Variants in SUGCT observed in about 807,000 individuals in gnomAD.
SUGCT encodes the protein succinyl-CoA:glutarate CoA-transferase.
Under a neutral mutation model 55.0 loss-of-function variants are expected in SUGCT, and 41 were observed. The observed-to-expected ratio is 0.74, with a 90% CI of 0.58 to 0.97. The LOEUF is 0.97. Ranked by LOEUF, SUGCT falls within the 50% of genes least tolerant of loss-of-function variation. SUGCT has a pLI of 0.00. For missense variants in SUGCT, 568 were observed against 547.8 expected, an observed-to-expected ratio of 1.04 and a Z score of -0.37; for synonymous variants, 187 against 200.4, an observed-to-expected ratio of 0.93 and a Z score of 0.56.
intron 9 of SUGCT, among the ~76,000 whole-genome samples, chr7:40,447,677 A>G (rs1217537234): frequency 1.3e-5 from 2 of 152,156 alleles, no homozygotes; most frequent in Non-Finnish European, 2.9e-5. Flanking sequence ...AACTGAGCCT[A>G]TATGTAGGCA....
At chr7:40,613,478 A>T (rs1172414571) in intron 12 of SUGCT, among the ~76,000 whole-genome samples, 2 of 152,240 alleles carry the variant, frequency 1.3e-5, no homozygotes, top group Non-Finnish European at 2.9e-5. Context: ...GATAAAGAGC[A>T]TAGGCAGTGG....
At chr7:40,195,165 T>C in intron 6 of SUGCT, 105 bp downstream of exon 6, 1 of 1,303,580 alleles carries the variant, frequency 7.7e-7, no homozygotes, top group Non-Finnish European at 1.0e-6. Context: ...TTGGAAGTTA[T>C]TCTGTTTTCC....
chr7:40,379,778 G>A (rs1351123089), intron 9 of SUGCT, among the ~76,000 whole-genome samples: 1 of 152,178 alleles, frequency 6.6e-6, no homozygotes, highest in African/African-American at 2.4e-5. Flanking sequence ...AGGTTAGTAA[G>A]AAGTGAAATT....
intron 6 of SUGCT, among the ~76,000 whole-genome samples, chr7:40,217,199 C>G (rs1203613643): frequency 6.6e-6 from 1 of 151,992 alleles, no homozygotes; most frequent in Non-Finnish European, 1.5e-5. Context: ...TGAATTGATT[C>G]CAGAATTATT....
intron 12 of SUGCT, among the ~76,000 whole-genome samples, chr7:40,546,092 A>G (rs1794974250): frequency 6.6e-6 from 1 of 152,198 alleles, no homozygotes; most frequent in Non-Finnish European, 1.5e-5. Flanking sequence ...TATTTGGAAT[A>G]AATTTAACAA....
intron 12 of SUGCT, among the ~76,000 whole-genome samples, chr7:40,630,517 A>G (rs1006892282): frequency 6.6e-6 from 1 of 152,224 alleles, no homozygotes; most frequent in African/African-American, 2.4e-5. Flanking sequence ...TTTGGTTAAA[A>G]AAAAGATTTT....
chr7:40,854,419 C>CTTTCCTTCCTTT (rs200586474), intron 13 of SUGCT, among the ~76,000 whole-genome samples: 1 of 88,804 alleles, frequency 1.1e-5, no homozygotes, highest in African/African-American at 4.7e-5. Context: ...TTCTTTCTTT[C>CTTTCCTTCCTTT]CTTTCTTTCT....
the SUGCT span, among the ~76,000 whole-genome samples, chr7:40,999,214 A>G: frequency 6.6e-6 from 1 of 150,398 alleles, no homozygotes; most frequent in Non-Finnish European, 1.5e-5. Context: ...TCCATTATGC[A>G]CAGCTTTTTT....
chr7:40,599,628 A>C (rs531474861), intron 12 of SUGCT, among the ~76,000 whole-genome samples: 1 of 152,142 alleles, frequency 6.6e-6, no homozygotes, highest in Non-Finnish European at 1.5e-5. Flanking sequence ...GTAGAAACAA[A>C]CTTAAAACCC....
At chr7:40,284,328 A>T (rs535471180) in intron 8 of SUGCT, among the ~76,000 whole-genome samples, 88 of 151,870 alleles carry the variant, frequency 5.8e-4, no homozygotes, top group African/African-American at 2.1e-3. Flanking sequence ...GTGATGAAGG[A>T]CAGGCATGGT....
the SUGCT span, among the ~76,000 whole-genome samples, chr7:40,951,040 G>A: frequency 6.6e-6 from 1 of 152,240 alleles, no homozygotes; most frequent in Non-Finnish European, 1.5e-5. Flanking sequence ...AATGGTACCA[G>A]CTCCTCCTTG....
rs377582169 is a variant in SUGCT at position 40,782,169 on chromosome 7, A to C, written c.1153+32672A>C. Among the ~76,000 whole-genome samples, 13 of 152,150 alleles carry C rather than the reference A, an allele frequency of 8.5e-5. No individual in the cohort carries two copies. The East Asian group carries it at 2.3e-3, about 27-fold the overall frequency. ...TAGAAGTACAGTGTTAATTAATAGAATATTTTTTTCTAGAAAGTTAAAATT... is the reference window on the plus strand; with the variant it reads ...TAGAAGTACAGTGTTAATTAATAGACTATTTTTTTCTAGAAAGTTAAAATT... On this transcript the variant is annotated intron_variant, in intron 13 of 13. Coordinates refer to ENST00000335693, the MANE Select transcript of SUGCT (RefSeq NM_001193313.2).
intron 12 of SUGCT, among the ~76,000 whole-genome samples, chr7:40,655,722 T>C (rs1800987135): frequency 6.6e-6 from 1 of 152,190 alleles, no homozygotes; most frequent in African/African-American, 2.4e-5. Flanking sequence ...AAATCAAAAA[T>C]GTTCAGTTTA....
the SUGCT span, among the ~76,000 whole-genome samples, chr7:40,963,270 C>G: frequency 6.6e-6 from 1 of 151,960 alleles, no homozygotes; most frequent in Admixed American, 6.6e-5. Context: ...AGACTATCAT[C>G]AGGCTCTTTG....
intron 13 of SUGCT, among the ~76,000 whole-genome samples, chr7:40,853,161 A>G (rs1454804923): frequency 6.6e-6 from 1 of 152,108 alleles, no homozygotes; most frequent in Non-Finnish European, 1.5e-5. Context: ...TGTAGATCAT[A>G]CAGCCCAGAT....
chr7:40,183,464 T>G (rs1036505881), intron 3 of SUGCT, among the ~76,000 whole-genome samples: 18 of 152,276 alleles, frequency 1.2e-4, no homozygotes, highest in African/African-American at 4.3e-4. Flanking sequence ...CTCAGCCTCC[T>G]GAATAGCTGG....
the SUGCT span, among the ~76,000 whole-genome samples, chr7:40,956,264 T>C: frequency 3.9e-5 from 6 of 152,208 alleles, no homozygotes; most frequent in African/African-American, 1.4e-4. Context: ...TCTTTGGTTT[T>C]TTTTGGTTGC....
the SUGCT span, among the ~76,000 whole-genome samples, chr7:40,955,951 A>G: frequency 6.6e-6 from 1 of 152,120 alleles, no homozygotes; most frequent in Non-Finnish European, 1.5e-5. Flanking sequence ...GTGTATGTTG[A>G]CCAGCCTTGT....
chr7:40,752,743 C>G (rs549180999), intron 13 of SUGCT, among the ~76,000 whole-genome samples: 1 of 150,458 alleles, frequency 6.6e-6, no homozygotes, highest in African/African-American at 2.4e-5. Context: ...TGGTGAGGAG[C>G]ATGGGCACAG....
Sources: allele counts gnomAD v4.1 joint callset (sites outside exome capture counted in the v4.1 genomes callset), GRCh38; gene constraint gnomAD v4.1.1; transcripts MANE v1.5; gene names NCBI Gene and HGNC (gene_info 2026-07-23, HGNC 2026-07-21).